The following TMC3 variants were observed in gnomAD, a reference collection of about 807,000 sequenced individuals.
TMC3 encodes the protein transmembrane channel-like protein 3.
In TMC3, 98 loss-of-function variants were observed where a neutral mutation model predicts 110.6. That is an observed-to-expected ratio of 0.89 (90% CI 0.75 to 1.05). The LOEUF (loss-of-function observed/expected upper bound fraction) is 1.05. Ranked by LOEUF, TMC3 falls within the 50% of genes least tolerant of loss-of-function variation. TMC3 has a pLI of 0.00. For synonymous variants in TMC3, 489 were observed against 513.1 expected (o/e 0.95, Z 0.63); for missense variants, 1,319 against 1,373.2 (o/e 0.96, Z 0.62).
At chr15:81,373,763 G>A (rs1279568860) in intron 1 of TMC3, among the ~76,000 whole-genome samples, 1 of 152,150 alleles carries the variant, frequency 6.6e-6, no homozygotes, top group Non-Finnish European at 1.5e-5. Flanking sequence ...CAAGCTTTTG[G>A]ATTCTGACCT....
rs1893951859 is a variant in TMC3 at position 81,351,611 on chromosome 15, C to T, written c.1083+83G>A. The stretch of plus-strand genomic sequence containing the variant: ...AAGTGATCCACCTGCCCCAGCCTCC[C>T]AAAGTGCTGGGATTACAGGCATCAG... On this transcript the variant is annotated intron_variant, in intron 10 of 21. Coordinates refer to ENST00000359440, the MANE Select transcript of TMC3 (RefSeq NM_001080532.3). 3 of 1,501,980 alleles carry T rather than the reference C, an allele frequency of 2.0e-6. No homozygotes were observed. The South Asian group carries it at 3.8e-5, about 19-fold the overall frequency. The allele number at this position is 1,501,980 out of a possible 1,614,324, so 93.0% of individuals were successfully genotyped here.
At chr15:81,334,572 C>T in intron 21 of TMC3, 148 bp downstream of exon 21, 1 of 1,105,558 alleles carries the variant, frequency 9.0e-7, no homozygotes, top group South Asian at 1.9e-5. Context: ...CACCCCGCCT[C>T]CATTTCTTTT....
intron 18 of TMC3, 43 bp from the exon 19 acceptor site, chr15:81,337,967 C>G (rs1893633790): frequency 6.7e-7 from 1 of 1,481,748 alleles, no homozygotes. Context: ...CTGCAACTCG[C>G]TTTTCTGCTT....
At chr15:81,333,313 C>T in intron 21 of TMC3, 51 bp from the exon 22 acceptor site, 1 of 1,559,056 alleles carries the variant, frequency 6.4e-7, no homozygotes, top group Non-Finnish European at 8.7e-7. Context: ...TCTCAGAGCC[C>T]CACACCTGAG....
At position 81,373,972 on chromosome 15, in the gene TMC3, G is replaced by A. The variant is rs188403679; in HGVS notation, c.89+17C>T. 1.8e-4 allele frequency: 291 copies of A among 1,611,224 alleles called. No individual in the cohort carries two copies. In the Middle Eastern group the frequency reaches 3.7e-3, roughly 20 times the overall value. On this transcript the variant is annotated intron_variant, in intron 1 of 21. Transcript: ENST00000359440. ...CACCTGACTCCTCTGCCCAGCTGAT[G>A]AATGGGGCCAGCTCACCTGAGCAGC...
chr15:81,367,101 A>G (rs1192578242), intron 3 of TMC3, among the ~76,000 whole-genome samples: 1 of 152,200 alleles, frequency 6.6e-6, no homozygotes, highest in Non-Finnish European at 1.5e-5. Context: ...CCCTAAGAAA[A>G]AAATTCAAAA....
chr15:81,370,255 G>A lies in TMC3; in HGVS notation c.237-1927C>T, dbSNP rs140550814. 5.8e-3 allele frequency among the ~76,000 whole-genome samples: 881 copies of A among 152,330 alleles called. 6 individuals are homozygous for A. Among genetic ancestry groups the A allele is most frequent in the Middle Eastern group, 0.014 (4 of 294 alleles). On this transcript the variant is annotated intron_variant, in intron 2 of 21. Coordinates refer to ENST00000359440, the MANE Select transcript of TMC3 (RefSeq NM_001080532.3). ...TATCTGCATCCTGCTATGCTCCCTTGATTCTCAAGCAGTCAGGGTTCCGTG... is the reference window on the plus strand; with the variant it reads ...TATCTGCATCCTGCTATGCTCCCTTAATTCTCAAGCAGTCAGGGTTCCGTG...
intron 4 of TMC3, among the ~76,000 whole-genome samples, chr15:81,361,174 T>C (rs1267742902): frequency 6.6e-6 from 1 of 152,196 alleles, no homozygotes; most frequent in Non-Finnish European, 1.5e-5. Context: ...ACTTTTTATG[T>C]ATGTAAGTTT....
chr15:81,358,552 G>A (rs1894117576), intron 5 of TMC3, 52 bp from the exon 6 acceptor site: 4 of 1,454,532 alleles, frequency 2.8e-6, no homozygotes, highest in Non-Finnish European at 3.8e-6. Context: ...GAGGGGACCG[G>A]GAGAAAATGA....
chr15:81,356,350 T>C, intron 8 of TMC3, 97 bp downstream of exon 8: 1 of 1,331,742 alleles, frequency 7.5e-7, no homozygotes, highest in South Asian at 1.6e-5. Flanking sequence ...TGAACATCAA[T>C]GGGAAGAGGA....
chr15:81,373,545 A>C (rs1244647799), intron 1 of TMC3, among the ~76,000 whole-genome samples: 1 of 152,236 alleles, frequency 6.6e-6, no homozygotes, highest in Non-Finnish European at 1.5e-5. Context: ...ATTAAATGGC[A>C]GCTGTACTAG....
At chr15:81,371,846 A>G (rs1894440209) in intron 2 of TMC3, among the ~76,000 whole-genome samples, 2 of 152,228 alleles carry the variant, frequency 1.3e-5, no homozygotes. Context: ...TGAATTTTTA[A>G]CAATATCCAG....
intron 3 of TMC3, among the ~76,000 whole-genome samples, chr15:81,367,883 G>T (rs546783948): frequency 1.3e-5 from 2 of 152,088 alleles, no homozygotes; most frequent in Non-Finnish European, 2.9e-5. Context: ...ACAACCTCCT[G>T]GCTCTGGAGA....
chr15:81,332,707 C>T lies in TMC3; in HGVS notation c.3015G>A (p.Glu1005=), dbSNP rs1184924328. 1.9e-6 allele frequency: 3 copies of T among 1,613,822 alleles called. No individual in the cohort carries two copies. Among genetic ancestry groups the T allele is most frequent in the East Asian group, 2.2e-5 (1 of 44,892 alleles). Residue 1005 remains glutamate, a synonymous_variant, in exon 22 of 22, where the codon GAG becomes GAA. Coordinates refer to ENST00000359440, the MANE Select transcript of TMC3 (RefSeq NM_001080532.3). ...SWNEDFEGHL[E]RPAYVPRKPR... ...GCTTTCTGGGCACATAGGCTGGCCT[C>T]TCAAGGTGACCCTCAAAATCTTCAT...
chr15:81,367,287 C>G (rs1894335928), intron 3 of TMC3, among the ~76,000 whole-genome samples: 1 of 149,906 alleles, frequency 6.7e-6, no homozygotes, highest in Non-Finnish European at 1.5e-5. Flanking sequence ...AACTATATAG[C>G]AACATGGAAA....
chr15:81,372,820 A>G, intron 1 of TMC3, 83 bp from the exon 2 acceptor site: 1 of 1,428,126 alleles, frequency 7.0e-7, no homozygotes, highest in Non-Finnish European at 9.6e-7. Context: ...GCACAAGTTC[A>G]GCATCTCACT....
In TMC3 at chr15:81,334,784, C is replaced by G. The variant is rs755012180; in HGVS notation, c.2395G>C (p.Asp799His). The change falls in exon 21 of 22, where the codon GAC becomes CAC. Residue 799 changes from aspartate (D) to histidine (H), a missense_variant. Physicochemically the swap from Asp to His is moderately conservative, Grantham distance 81 (BLOSUM62 -1). Coordinates refer to ENST00000359440, the MANE Select transcript of TMC3 (RefSeq NM_001080532.3). ...GGGAGAGGTGAGCTAGGAGCCCTGT[C>G]CCCTGGCCTCGGGCTCTGGGGCATG... ...QSMPQSPRPG[D>H]RAPSSPLPGV... The G allele has an allele frequency of 6.2e-7, 1 of 1,614,022 alleles. No homozygotes were observed. Among genetic ancestry groups the G allele is most frequent in the African/African-American group, 1.3e-5 (1 of 75,058 alleles).
At chr15:81,350,896 TG>T (rs1489627142) in intron 10 of TMC3, among the ~76,000 whole-genome samples, 4 of 152,192 alleles carry the variant, frequency 2.6e-5, no homozygotes, top group Non-Finnish European at 4.4e-5. Context: ...CAACGGGGGT[TG>T]GGGGGGAGAA....
chr15:81,368,278 C>T lies in TMC3; in HGVS notation c.287G>A (p.Arg96Gln), dbSNP rs199688186. ...CTCTGCACCTGCTGCTTGGTAGCCT[C>T]GGGTCCTGGTCAGCCTCCCTTCAAA... ...LKFEGRLTRT[R>Q]GYQAAGAELW... is the part of the protein sequence containing the mutation. The change falls in exon 3 of 22, where the codon CGA becomes CAA. Residue 96 changes from arginine (R) to glutamine (Q), a missense_variant. By Grantham distance (43) the Arg-to-Gln change is conservative. Coordinates refer to ENST00000359440, the MANE Select transcript of TMC3 (RefSeq NM_001080532.3). The T allele has an allele frequency of 4.3e-5, 69 of 1,613,674 alleles. No homozygotes were observed. The East Asian group carries it at 5.3e-4, about 13-fold the overall frequency.
Sources: gnomAD v4.1 joint callset for allele counts (sites outside exome capture counted in the v4.1 genomes callset) on GRCh38, gnomAD v4.1.1 for gene constraint, MANE v1.5 for transcripts, NCBI Gene and HGNC (gene_info 2026-07-23, HGNC 2026-07-21) for gene names.